Variants in NOL4L observed in about 807,000 individuals in gnomAD.
The protein encoded by NOL4L is nucleolar protein 4 like.
In NOL4L, 7 loss-of-function variants were observed where a neutral mutation model predicts 64.5. The observed-to-expected ratio is 0.11, with a 90% CI of 0.06 to 0.20. The LOEUF is 0.20. Ranked by LOEUF, NOL4L falls within the 10% of genes least tolerant of loss-of-function variation. The pLI is 1.00. For synonymous variants in NOL4L, 413 were observed against 401.0 expected (o/e 1.03, Z -0.36); for missense variants, 680 against 967.1 (o/e 0.70, Z 3.94).
chr20:32,538,462 GCTCCCTCCCTCC>G (rs145359787), intron 1 of NOL4L, among the ~76,000 whole-genome samples: 238 of 125,966 alleles, frequency 1.9e-3, no homozygotes, highest in Middle Eastern at 4.5e-3. Context: ...TCCCTCCCTC[GCTCCCTCCCTCC>G]CTCCCTCCCT....
chr20:32,573,709 GC>G, intron 1 of NOL4L: 1 of 177,290 alleles, frequency 5.6e-6, no homozygotes, highest in South Asian at 1.2e-4. Flanking sequence ...CCTGGACCCA[GC>G]CCCTGGCTCC....
chr20:32,517,915 G>A (rs1352453169), intron 3 of NOL4L, among the ~76,000 whole-genome samples: 1 of 152,220 alleles, frequency 6.6e-6, no homozygotes, highest in Admixed American at 6.5e-5. Flanking sequence ...GGGAGAGCTT[G>A]GATGTATGAT....
chr20:32,559,975 C>A (rs886785114), intron 1 of NOL4L, among the ~76,000 whole-genome samples: 9 of 152,236 alleles, frequency 5.9e-5, no homozygotes, highest in Non-Finnish European at 1.0e-4. Context: ...GTGGCCCAGA[C>A]AAAGGCGGCG....
At chr20:32,452,755 G>A in intron 9 of NOL4L, 129 bp downstream of exon 9, 1 of 1,414,526 alleles carries the variant, frequency 7.1e-7, no homozygotes, top group Non-Finnish European at 9.6e-7. Flanking sequence ...CCTTGTCTTT[G>A]CCCTCCTGTT....
At chr20:32,570,578 G>A (rs978961567) in intron 1 of NOL4L, among the ~76,000 whole-genome samples, 1 of 152,076 alleles carries the variant, frequency 6.6e-6, no homozygotes, top group Non-Finnish European at 1.5e-5. Flanking sequence ...CCCAAACCAC[G>A]AGCCCTGTAA....
chr20:32,463,641 TGATGAA>T lies in NOL4L; in HGVS notation c.842-7252_842-7247del, dbSNP rs1264566347. Among the ~76,000 whole-genome samples, 2 of 152,192 alleles carry T rather than the reference TGATGAA, an allele frequency of 1.3e-5. No individual in the cohort carries two copies. Among genetic ancestry groups the T allele is most frequent in the African/African-American group, 4.8e-5 (2 of 41,444 alleles). On this transcript the variant is annotated intron_variant, in intron 5 of 10. Coordinates refer to ENST00000621426, the MANE Select transcript of NOL4L (RefSeq NM_001256798.2). The surrounding 1 kb of genome is among the most constrained non-coding windows in gnomAD (Gnocchi z 5.8). ...GCTGCTATTCAAATGGAGGAATTAG[TGATGAA>T]TGGGGGAAATTGTTCCTCCCTCTGT...
At chr20:32,562,647 G>C (rs752523193) in intron 1 of NOL4L, among the ~76,000 whole-genome samples, 4 of 151,916 alleles carry the variant, frequency 2.6e-5, no homozygotes, top group Non-Finnish European at 1.5e-5. Context: ...TCTCCTCCCC[G>C]GAGTCACCAG....
intron 4 of NOL4L, among the ~76,000 whole-genome samples, chr20:32,488,855 CTTT>C: frequency 1.4e-5 from 1 of 73,570 alleles, no homozygotes; most frequent in Non-Finnish European, 2.4e-5. Context: ...TTCTTTCTTT[CTTT>C]CTTTCTTTCT....
chr20:32,509,217 G>A (rs551773911), intron 4 of NOL4L, among the ~76,000 whole-genome samples: 40 of 152,204 alleles, frequency 2.6e-4, no homozygotes, highest in African/African-American at 8.9e-4. Context: ...TCTGGCTGGT[G>A]TCTGTCTCCC....
At chr20:32,481,097 C>T (rs1184487660) in intron 4 of NOL4L, among the ~76,000 whole-genome samples, 1 of 152,196 alleles carries the variant, frequency 6.6e-6, no homozygotes, top group Non-Finnish European at 1.5e-5. Flanking sequence ...CTGTCAGAAG[C>T]GTATTCCCAT....
In NOL4L at chr20:32,488,787, C is replaced by CT. The variant is rs1354083484; in HGVS notation, c.700-14046dup. 2.5e-4 allele frequency among the ~76,000 whole-genome samples: 10 copies of CT among 40,794 alleles called. 1 individual carries two copies. The highest frequency in any genetic ancestry group is 7.5e-4 in the South Asian group (1 of 1,336). The allele number at this position is 40,794 out of a possible 152,430, so 26.8% of individuals were successfully genotyped here. On this transcript the variant is annotated intron_variant, in intron 4 of 10. Coordinates refer to ENST00000621426, the MANE Select transcript of NOL4L (RefSeq NM_001256798.2). ...CCTTCCTTCCTTCCTTCCTTCCTTC[C>CT]TTCCTTTCTTTCTTTCTTTTTCTTT...
At position 32,447,718 on chromosome 20, in the gene NOL4L, C is replaced by T. The variant is rs775154968; in HGVS notation, c.1921G>A (p.Ala641Thr). The T allele has an allele frequency of 7.2e-6, 10 of 1,384,112 alleles. No individual in the cohort carries two copies. Among genetic ancestry groups the T allele is most frequent in the Non-Finnish European group, 8.7e-6 (9 of 1,038,690 alleles). The allele number at this position is 1,384,112 out of a possible 1,614,324, so 85.7% of individuals were successfully genotyped here. A position where few individuals can be genotyped will look rare whatever the true frequency, so the allele number is the denominator to read the frequency against. Residue 641 changes from alanine (A) to threonine (T), a missense_variant, in exon 11 of 11, where the codon GCT becomes ACT. Physicochemically the swap from Ala to Thr is moderately conservative, Grantham distance 58. Transcript: ENST00000621426. ...STSTSRPVPTAQLSPTEISAV... is the reference protein window; with the variant it reads ...STSTSRPVPTTQLSPTEISAV... ...CTGATCTCCGTGGGGCTGAGCTGAG[C>T]GGTGGGCACGGGCCTGCTGGTGCTG...
At chr20:32,503,412 T>C (rs879275047) in intron 4 of NOL4L, among the ~76,000 whole-genome samples, 1 of 151,558 alleles carries the variant, frequency 6.6e-6, no homozygotes, top group Non-Finnish European at 1.5e-5. Flanking sequence ...GTGAAGACAG[T>C]TGGTGGGATG....
In NOL4L at chr20:32,515,561, G is replaced by A. The variant is rs761763786; in HGVS notation, c.590-4105C>T. On this transcript the variant is annotated intron_variant, in intron 3 of 10. Coordinates refer to ENST00000621426, the MANE Select transcript of NOL4L (RefSeq NM_001256798.2). ...AGGATGGGCTTAGTGGGAAAGAGAC[G>A]GAGCAGGGGCCAGTGGAAGCCGCAG... Among the ~76,000 whole-genome samples, 97 of 151,918 alleles carry A rather than the reference G, an allele frequency of 6.4e-4. 1 individual carries two copies. Among genetic ancestry groups the A allele is most frequent in the Non-Finnish European group, 2.1e-4 (14 of 67,918 alleles).
rs1568649478 is a variant in NOL4L, at chr20:32,488,872, TTTC to T, written c.700-14133_700-14131del. On this transcript the variant is annotated intron_variant, in intron 4 of 10. Coordinates refer to ENST00000621426, the MANE Select transcript of NOL4L (RefSeq NM_001256798.2). Reference sequence around the variant, plus strand: ...CTTTCTTTCTTTCTTTCTTTCTTTCTTTCTTTCTTTCTTTCTTTCTTTCCTCTC... The same window carrying T: ...CTTTCTTTCTTTCTTTCTTTCTTTCTTTTCTTTCTTTCTTTCTTTCCTCTC... Among the ~76,000 whole-genome samples the T allele has an allele frequency of 1.8e-4, 18 of 102,446 alleles. No individual in the cohort carries two copies. In the South Asian group the frequency reaches 4.8e-3, roughly 27 times the overall value. 67.2% of individuals were successfully genotyped at this position (102,446 alleles called of 152,430 possible).
intron 1 of NOL4L, among the ~76,000 whole-genome samples, chr20:32,535,288 A>C (rs977071671): frequency 6.6e-6 from 1 of 151,624 alleles, no homozygotes; most frequent in African/African-American, 2.4e-5. Flanking sequence ...AAAAAAAAAA[A>C]ACCCTCCAAA....
intron 1 of NOL4L, among the ~76,000 whole-genome samples, chr20:32,570,462 A>T (rs1979685986): frequency 6.6e-6 from 1 of 152,206 alleles, no homozygotes; most frequent in South Asian, 2.1e-4. Context: ...GAAGGCCTTG[A>T]GCCCCCATCT....
At position 32,464,973 on chromosome 20, in the gene NOL4L, G is replaced by T; in HGVS notation, c.842-8578C>A. The T allele has an allele frequency of 3.5e-6, 2 of 569,042 alleles. No individual in the cohort carries two copies. Among genetic ancestry groups the T allele is most frequent in the Non-Finnish European group, 6.4e-6 (2 of 313,862 alleles). 35.2% of individuals were successfully genotyped at this position (569,042 alleles called of 1,614,324 possible). ...GGCTCAGTAGCCGTCCTTGGCTAATGAATTAGACGTCACACACCTAGATCT... is the reference window on the plus strand; with the variant it reads ...GGCTCAGTAGCCGTCCTTGGCTAATTAATTAGACGTCACACACCTAGATCT... On this transcript the variant is annotated intron_variant, in intron 5 of 10. Coordinates refer to ENST00000621426, the MANE Select transcript of NOL4L (RefSeq NM_001256798.2). The surrounding 1 kb of genome is among the most constrained non-coding windows in gnomAD (Gnocchi z 5.6).
intron 3 of NOL4L, among the ~76,000 whole-genome samples, chr20:32,516,393 C>CG: frequency 1.3e-5 from 2 of 152,150 alleles, no homozygotes; most frequent in South Asian, 4.2e-4. Flanking sequence ...AAACTGTGTG[C>CG]GGTGCAGTCC....
Sources: gnomAD v4.1 joint callset for allele counts (sites outside exome capture counted in the v4.1 genomes callset) on GRCh38, gnomAD v4.1.1 for gene constraint, Gnocchi (gnomAD v3.1) non-coding constraint, MANE v1.5 for transcripts, NCBI Gene and HGNC (gene_info 2026-07-23, HGNC 2026-07-21) for gene names.